TMEM132C: variants seen among roughly 807,000 people sequenced by gnomAD.
TMEM132C encodes transmembrane protein 132C, also known as protein phosphatase 1, regulatory subunit 152.
In TMEM132C, 29 loss-of-function variants were observed where a neutral mutation model predicts 61.4. That is an observed-to-expected ratio of 0.47 (90% confidence interval 0.35 to 0.64). The LOEUF (loss-of-function observed/expected upper bound fraction) is 0.64. Ranked by LOEUF, TMEM132C falls within the 30% of genes least tolerant of loss-of-function variation. The pLI, the probability that TMEM132C is intolerant of heterozygous loss-of-function variation, is 0.00. For synonymous variants in TMEM132C, 656 were observed against 633.1 expected (o/e 1.04, Z -0.54); for missense variants, 1,408 against 1,476.9 (o/e 0.95, Z 0.76).
At position 128,365,659 on chromosome 12, in the gene TMEM132C, G is replaced by A. The variant is rs185708451; in HGVS notation, c.86-49073G>A. 1.7e-3 allele frequency among the ~76,000 whole-genome samples: 254 copies of A among 152,320 alleles called. 2 individuals carry two copies. Among genetic ancestry groups the A allele is most frequent in the Non-Finnish European group, 2.7e-3 (181 of 68,030 alleles). On this transcript the variant is annotated intron_variant, in intron 1 of 8. Transcript: ENST00000435159. The stretch of plus-strand genomic sequence containing the variant: ...CGTGGTTGTTGGAGTACCGGTTCCA[G>A]CAGGAGCTGTGATTTCCATTGAGCT...
chr12:128,283,316 T>G (rs942382893), intron 1 of TMEM132C, among the ~76,000 whole-genome samples: 1 of 152,180 alleles, frequency 6.6e-6, no homozygotes, highest in Non-Finnish European at 1.5e-5. Context: ...CATCTGTACC[T>G]TCCCTGCCCC....
chr12:128,464,770 A>G (rs370549382), intron 2 of TMEM132C, among the ~76,000 whole-genome samples: 2 of 105,610 alleles, frequency 1.9e-5, no homozygotes, highest in East Asian at 2.9e-4. Context: ...GTCAGAAAGA[A>G]AGAAAGAAAG....
At position 128,643,021 on chromosome 12, in the gene TMEM132C, G is replaced by A. The variant is rs533902268; in HGVS notation, c.1306-26396G>A. Among the ~76,000 whole-genome samples the A allele has an allele frequency of 9.2e-5, 14 of 152,234 alleles. No homozygotes were observed. In the South Asian group the frequency reaches 2.1e-3, roughly 23 times the overall value. On this transcript the variant is annotated intron_variant, in intron 4 of 8. Transcript: ENST00000435159. ...CCGGGTCTCTTCTTATCATTGTAGC[G>A]ATCTCTCACTGACTTCAGAGAATGC...
chr12:128,524,803 G>A (rs778972258), intron 2 of TMEM132C, among the ~76,000 whole-genome samples: 1 of 152,176 alleles, frequency 6.6e-6, no homozygotes, highest in African/African-American at 2.4e-5. Context: ...GATGTGGACG[G>A]ACTTAGGGTA....
At chr12:128,401,699 C>T (rs1022641156) in intron 1 of TMEM132C, among the ~76,000 whole-genome samples, 3 of 152,160 alleles carry the variant, frequency 2.0e-5, no homozygotes, top group African/African-American at 4.8e-5. Context: ...TGTTTAAGAT[C>T]GGCTCTTTGC....
intron 1 of TMEM132C, among the ~76,000 whole-genome samples, chr12:128,363,776 C>T (rs1187418551): frequency 2.1e-5 from 3 of 144,110 alleles, no homozygotes; most frequent in Non-Finnish European, 3.0e-5. Context: ...ACCCAGAAGG[C>T]GGAGGGTGCA....
intron 2 of TMEM132C, among the ~76,000 whole-genome samples, chr12:128,491,848 A>C (rs1400921313): frequency 1.5e-5 from 2 of 130,758 alleles, no homozygotes; most frequent in Non-Finnish European, 1.6e-5. Context: ...TGGCTGTATC[A>C]GTTCTTTTTT....
intron 2 of TMEM132C, among the ~76,000 whole-genome samples, chr12:128,508,515 C>G (rs1872458066): frequency 6.6e-6 from 1 of 152,206 alleles, no homozygotes; most frequent in Non-Finnish European, 1.5e-5. Flanking sequence ...GCTGCCTGGG[C>G]TCAGTGGGGT....
intron 1 of TMEM132C, among the ~76,000 whole-genome samples, chr12:128,400,661 T>C (rs1199305989): frequency 6.7e-6 from 1 of 148,668 alleles, no homozygotes; most frequent in African/African-American, 2.5e-5. Context: ...CAGGCTGGAG[T>C]GCACTGGCAC....
intron 1 of TMEM132C, among the ~76,000 whole-genome samples, chr12:128,304,994 G>A (rs1871720948): frequency 1.3e-5 from 2 of 152,130 alleles, no homozygotes; most frequent in Admixed American, 6.5e-5. Context: ...GAGGGGCGAG[G>A]AAAGGGTTGA....
chr12:128,392,256 G>A (rs538631043), intron 1 of TMEM132C, among the ~76,000 whole-genome samples: 3 of 152,288 alleles, frequency 2.0e-5, no homozygotes, highest in South Asian at 4.1e-4. Flanking sequence ...GGCTTGAACC[G>A]GTGGAGCCAC....
At chr12:128,514,120 A>G (rs528272270) in intron 2 of TMEM132C, among the ~76,000 whole-genome samples, 1 of 152,364 alleles carries the variant, frequency 6.6e-6, no homozygotes, top group South Asian at 2.1e-4. Flanking sequence ...CTTGTGAACA[A>G]AAGTGCTGTA....
At chr12:128,498,216 T>C (rs528389243) in intron 2 of TMEM132C, among the ~76,000 whole-genome samples, 55 of 152,256 alleles carry the variant, frequency 3.6e-4, no homozygotes, top group South Asian at 1.2e-3. Flanking sequence ...ATTTAGATGA[T>C]TGGAAATGGG....
intron 2 of TMEM132C, among the ~76,000 whole-genome samples, chr12:128,422,292 G>T (rs766904241): frequency 6.6e-6 from 1 of 150,648 alleles, no homozygotes; most frequent in Non-Finnish European, 1.5e-5. Flanking sequence ...GTGTTAGTTT[G>T]ACTCAAGTTG....
At chr12:128,557,192 A>G (rs78991612) in intron 3 of TMEM132C, among the ~76,000 whole-genome samples, 1,659 of 152,302 alleles carry the variant, frequency 0.011, 34 homozygotes, top group African/African-American at 0.038. Context: ...CCCACTTCCC[A>G]GCCCAGCATT....
chr12:128,642,446 TC>T (rs1466329723), intron 4 of TMEM132C, among the ~76,000 whole-genome samples: 2 of 152,204 alleles, frequency 1.3e-5, no homozygotes, highest in Non-Finnish European at 2.9e-5. Flanking sequence ...TGCAATGTGA[TC>T]CCCAGCATTG....
chr12:128,501,652 T>A (rs1872185052), intron 2 of TMEM132C, among the ~76,000 whole-genome samples: 1 of 152,164 alleles, frequency 6.6e-6, no homozygotes, highest in African/African-American at 2.4e-5. Context: ...ATACTTGGAG[T>A]TGGGTGGTGT....
intron 3 of TMEM132C, among the ~76,000 whole-genome samples, chr12:128,589,112 G>A (rs1045137713): frequency 6.6e-6 from 1 of 152,098 alleles, no homozygotes; most frequent in African/African-American, 2.4e-5. Context: ...TGAGAACCAG[G>A]TTGTCATGTC....
chr12:128,522,498 A>G (rs556900149), intron 2 of TMEM132C, among the ~76,000 whole-genome samples: 19 of 152,210 alleles, frequency 1.2e-4, no homozygotes, highest in South Asian at 1.2e-3. Context: ...TTTCCATTGG[A>G]GCTCAGATTC....
Sources: gnomAD v4.1 joint callset for allele counts (sites outside exome capture counted in the v4.1 genomes callset) on GRCh38, gnomAD v4.1.1 for gene constraint, MANE v1.5 for transcripts, NCBI Gene and HGNC (gene_info 2026-07-23, HGNC 2026-07-21) for gene names.